PRELID2: variants seen among roughly 807,000 people sequenced by gnomAD.
The protein encoded by PRELID2 is PRELI domain containing 2.
Under a neutral mutation model 28.4 loss-of-function variants are expected in PRELID2, and 25 were observed. The ratio of observed to expected loss-of-function variants is 0.88; its 90% CI spans 0.64 to 1.23. PRELID2 has a LOEUF of 1.23. PRELID2 is among the 50% of genes most tolerant of loss of function. PRELID2 has a pLI of 0.00. For synonymous variants in PRELID2, 76 were observed against 71.6 expected (o/e 1.06, Z -0.31); for missense variants, 201 against 214.4 (o/e 0.94, Z 0.39).
At chr5:145,692,569 A>G (rs9324988) in intron 1 of PRELID2, among the ~76,000 whole-genome samples, 28,739 of 152,158 alleles carry the variant, frequency 0.19, 4,973 homozygotes, top group African/African-American at 0.45. Flanking sequence ...TTTGTCTAAC[A>G]ATGTTAATTT....
chr5:145,662,322 A>C (rs1431865374), intron 1 of PRELID2, among the ~76,000 whole-genome samples: 1 of 152,146 alleles, frequency 6.6e-6, no homozygotes. Context: ...ACTGTCTCCC[A>C]AATGTTATTG....
At chr5:145,500,506 T>G (rs1298352941) in intron 1 of PRELID2, among the ~76,000 whole-genome samples, 46 of 152,122 alleles carry the variant, frequency 3.0e-4, no homozygotes, top group Admixed American at 3.0e-3. Flanking sequence ...GTCTCAGGCC[T>G]AGTCAACTTT....
At chr5:145,654,870 T>C (rs1259418142) in intron 1 of PRELID2, among the ~76,000 whole-genome samples, 1 of 152,112 alleles carries the variant, frequency 6.6e-6, no homozygotes, top group Admixed American at 6.6e-5. Context: ...GCCACTCCTA[T>C]TCAACATAGT....
chr5:145,317,180 A>C, the PRELID2 span, among the ~76,000 whole-genome samples: 2 of 152,252 alleles, frequency 1.3e-5, no homozygotes, highest in African/African-American at 2.4e-5. Context: ...TTTCAAGCAC[A>C]TCACCATATT....
intron 5 of PRELID2, among the ~76,000 whole-genome samples, chr5:145,782,418 T>A (rs1294067840): frequency 6.6e-6 from 1 of 152,114 alleles, no homozygotes; most frequent in Non-Finnish European, 1.5e-5. Context: ...AAGGTGGGAG[T>A]AACCACAGTC....
downstream of PRELID2, among the ~76,000 whole-genome samples, chr5:145,753,003 T>G (rs1465135635): frequency 6.6e-6 from 1 of 152,220 alleles, no homozygotes; most frequent in Non-Finnish European, 1.5e-5. Flanking sequence ...TTTTCAAATG[T>G]AAGGAGACAC....
chr5:145,420,104 A>G, the PRELID2 span, among the ~76,000 whole-genome samples: 6 of 151,886 alleles, frequency 4.0e-5, no homozygotes, highest in Non-Finnish European at 7.4e-5. Context: ...CTGTTTTGGT[A>G]CCAGTTCCAT....
At chr5:145,367,505 C>T in the PRELID2 span, among the ~76,000 whole-genome samples, 2 of 151,890 alleles carry the variant, frequency 1.3e-5, no homozygotes, top group South Asian at 4.2e-4. Context: ...TTCTTGGTGT[C>T]GTACATTCTA....
the PRELID2 span, among the ~76,000 whole-genome samples, chr5:145,370,310 G>C: frequency 6.6e-6 from 1 of 152,050 alleles, no homozygotes; most frequent in Non-Finnish European, 1.5e-5. Context: ...GTCTAAGGAA[G>C]GGGTCTAGTT....
chr5:145,446,784 C>T, the PRELID2 span, among the ~76,000 whole-genome samples: 6 of 152,070 alleles, frequency 3.9e-5, no homozygotes, highest in Admixed American at 6.6e-5. Flanking sequence ...CAGTGGCTCA[C>T]GCCTGTAATA....
chr5:145,389,124 T>C, the PRELID2 span, among the ~76,000 whole-genome samples: 1 of 152,138 alleles, frequency 6.6e-6, no homozygotes, highest in African/African-American at 2.4e-5. Context: ...TCATTCCTTA[T>C]CTCTCAAACT....
intron 1 of PRELID2, among the ~76,000 whole-genome samples, chr5:145,734,650 C>T (rs1003802818): frequency 6.6e-6 from 1 of 152,126 alleles, no homozygotes; most frequent in Non-Finnish European, 1.5e-5. Context: ...TCTCTTAATC[C>T]AGAAAGAGAC....
At chr5:145,775,241 A>G (rs1403934195) in intron 5 of PRELID2, among the ~76,000 whole-genome samples, 11 of 149,942 alleles carry the variant, frequency 7.3e-5, no homozygotes, top group African/African-American at 2.4e-4. Context: ...CTCCATCTCA[A>G]AAAAAAAAAG....
intron 1 of PRELID2, among the ~76,000 whole-genome samples, chr5:145,628,544 G>A (rs911669650): frequency 5.3e-5 from 8 of 152,124 alleles, no homozygotes; most frequent in Non-Finnish European, 1.2e-4. Context: ...GCCTGGTTTT[G>A]AACTCCTGAT....
chr5:145,767,514 G>A (rs1757838112), intron 5 of PRELID2, among the ~76,000 whole-genome samples: 1 of 152,132 alleles, frequency 6.6e-6, no homozygotes, highest in African/African-American at 2.4e-5. Flanking sequence ...AGCCATCTAT[G>A]AATGACAAAG....
At chr5:145,466,121 A>C in the PRELID2 span, among the ~76,000 whole-genome samples, 1 of 152,124 alleles carries the variant, frequency 6.6e-6, no homozygotes, top group Non-Finnish European at 1.5e-5. Context: ...AAGAAAAAAA[A>C]AGTCCTTGGA....
chr5:145,422,209 G>T, the PRELID2 span, among the ~76,000 whole-genome samples: 1 of 149,176 alleles, frequency 6.7e-6, no homozygotes, highest in Admixed American at 6.7e-5. Flanking sequence ...TGTATATTCT[G>T]TTGATTTGGG....
At chr5:145,230,540 C>T in the PRELID2 span, among the ~76,000 whole-genome samples, 10 of 151,570 alleles carry the variant, frequency 6.6e-5, no homozygotes, top group South Asian at 8.3e-4. Context: ...GATTAAGCCA[C>T]GGCACTCCAG....
At chr5:145,589,953 T>C (rs1753205526) in intron 1 of PRELID2, among the ~76,000 whole-genome samples, 1 of 152,194 alleles carries the variant, frequency 6.6e-6, no homozygotes. Context: ...CAGCTCCTCA[T>C]TGGCTTGAGA....
Sources: gnomAD v4.1 joint callset for allele counts (sites outside exome capture counted in the v4.1 genomes callset) on GRCh38, gnomAD v4.1.1 for gene constraint, MANE v1.5 for transcripts, NCBI Gene and HGNC (gene_info 2026-07-23, HGNC 2026-07-21) for gene names.